Variants in PUM3 observed in about 807,000 individuals in gnomAD.
PUM3 encodes the protein pumilio RNA binding family member 3, also known as pumilio homolog 3.
A neutral mutation model predicts 84.0 loss-of-function variants in PUM3; 91 were observed. The observed-to-expected ratio is 1.08, with a 90% CI of 0.91 to 1.29. The LOEUF (loss-of-function observed/expected upper bound fraction) is 1.29. Ranked by LOEUF, PUM3 falls within the 50% of genes most tolerant of loss-of-function variation. PUM3 has a pLI of 0.00. For synonymous variants in PUM3, 321 were observed against 266.7 expected (o/e 1.20, Z -1.98); for missense variants, 1,067 against 767.5 (o/e 1.39, Z -4.61).
At position 2,809,810 on chromosome 9, in the gene PUM3, C is replaced by CA. The variant is rs1181216883; in HGVS notation, c.1723+533dup. ...TTCTACAGAGCAGCTGTAAGGCTTA[C>CA]AAAAAACCAGAAAGCGCCAAAGACT... On this transcript the variant is annotated intron_variant, in intron 16 of 17. Transcript: ENST00000397885. 5.9e-5 allele frequency among the ~76,000 whole-genome samples: 9 copies of CA among 152,246 alleles called. No homozygotes were observed. The East Asian group carries it at 1.4e-3, about 23-fold the overall frequency.
intron 12 of PUM3, among the ~76,000 whole-genome samples, chr9:2,820,755 A>G (rs990456767): frequency 1.3e-5 from 2 of 152,256 alleles, no homozygotes; most frequent in Admixed American, 1.3e-4. Context: ...AAAAATCATT[A>G]CTTTAAAAAA....
chr9:2,807,777 C>T (rs762857050), intron 17 of PUM3, 37 bp downstream of exon 17: 9 of 1,329,000 alleles, frequency 6.8e-6, no homozygotes, highest in Non-Finnish European at 9.8e-6. Flanking sequence ...TTTGCATGAC[C>T]AGGCCCTGCT....
intron 1 of PUM3, among the ~76,000 whole-genome samples, chr9:2,841,053 T>G (rs1252636109): frequency 2.1e-4 from 32 of 152,236 alleles, no homozygotes. Flanking sequence ...TTTCCAAATC[T>G]AATCAAGCAC....
chr9:2,833,891 C>T (rs1816050888), intron 4 of PUM3, 140 bp downstream of exon 4: 1 of 745,132 alleles, frequency 1.3e-6, no homozygotes, highest in African/African-American at 1.8e-5. Context: ...GTACTGATGT[C>T]TCTAATGGGG....
intron 13 of PUM3, among the ~76,000 whole-genome samples, chr9:2,818,583 C>T (rs1586720809): frequency 1.3e-5 from 2 of 152,208 alleles, no homozygotes; most frequent in Non-Finnish European, 2.9e-5. Context: ...TATTCATCAG[C>T]CAATTCTATG....
chr9:2,839,670 T>C (rs1816217202), intron 1 of PUM3, among the ~76,000 whole-genome samples: 1 of 152,144 alleles, frequency 6.6e-6, no homozygotes, highest in Non-Finnish European at 1.5e-5. Context: ...TTTTGAAAAA[T>C]GGACAGTCCC....
intron 6 of PUM3, 68 bp downstream of exon 6, chr9:2,831,183 G>T (rs891368838): frequency 3.4e-6 from 4 of 1,190,174 alleles, no homozygotes; most frequent in Non-Finnish European, 4.9e-6. Context: ...GGACAGTCTT[G>T]GGTATTTTAA....
At chr9:2,843,790 G>A (rs1166819251) in intron 1 of PUM3, among the ~76,000 whole-genome samples, 4 of 151,896 alleles carry the variant, frequency 2.6e-5, no homozygotes, top group Admixed American at 2.0e-4. Context: ...GTGTTAGCCA[G>A]GATGGTCTCG....
intron 5 of PUM3, among the ~76,000 whole-genome samples, chr9:2,832,262 T>G (rs1416259251): frequency 6.6e-6 from 1 of 152,218 alleles, no homozygotes; most frequent in Non-Finnish European, 1.5e-5. Flanking sequence ...ATAGTGTTCT[T>G]ATTTATAACT....
intron 14 of PUM3, 52 bp from the exon 15 acceptor site, chr9:2,811,635 TGTG>T: frequency 7.4e-7 from 1 of 1,357,874 alleles, no homozygotes; most frequent in African/African-American, 1.4e-5. Flanking sequence ...GCAAAGGAAA[TGTG>T]GTGATATTAT....
intron 3 of PUM3, 21 bp from the exon 4 acceptor site, chr9:2,834,187 T>G (rs746518823): frequency 3.8e-6 from 6 of 1,599,884 alleles, no homozygotes; most frequent in Non-Finnish European, 5.1e-6. Context: ...TAGAAATTAT[T>G]TTCAATTACA....
At chr9:2,823,711 T>G (rs1815729377) in intron 12 of PUM3, 70 bp downstream of exon 12, 8 of 665,632 alleles carry the variant, frequency 1.2e-5, no homozygotes, top group Non-Finnish European at 1.4e-5. Context: ...TTTTTCCAAA[T>G]TTTCTATAAT....
rs1217361393 is a variant in PUM3, at chr9:2,824,618, C to G, written c.1134+99G>C. On this transcript the variant is annotated intron_variant, in intron 11 of 17. Transcript: ENST00000397885. Reference sequence around the variant, plus strand: ...AGATAATGCACAACAGGGCAAAGACCAAAGGGGGTTAAAAGTCTAAGGACA... The same window carrying G: ...AGATAATGCACAACAGGGCAAAGACGAAAGGGGGTTAAAAGTCTAAGGACA... The G allele has an allele frequency of 4.3e-6, 3 of 703,932 alleles. No individual in the cohort carries two copies. The Admixed American group carries it at 1.2e-4, about 28-fold the overall frequency. 43.6% of individuals were successfully genotyped at this position (703,932 alleles called of 1,614,324 possible). A position where few individuals can be genotyped will look rare whatever the true frequency, so the allele number is the denominator to read the frequency against.
rs2270888 is a variant in PUM3, at chr9:2,811,505, G to T, written c.1491C>A (p.His497Gln). Residue 497 changes from histidine to glutamine, a missense_variant, in exon 15 of 18, where the codon CAC becomes CAA. Transcript: ENST00000397885. ...ACTTATCTAGCACCACTTCTTGGGCGTGTTCTTGCAGGTAGCTTAACAAAG... is the reference window on the plus strand; with the variant it reads ...ACTTATCTAGCACCACTTCTTGGGCTTGTTCTTGCAGGTAGCTTAACAAAG... ...SPALLSYLQE[H>Q]AQEVVLDKSA... 6.2e-7 allele frequency: 1 copy of T among 1,613,880 alleles called. No individual in the cohort carries two copies. The highest frequency in any genetic ancestry group is 8.5e-7 in the Non-Finnish European group (1 of 1,179,930).
intron 9 of PUM3, 49 bp downstream of exon 9, chr9:2,828,626 C>T: frequency 9.0e-7 from 1 of 1,110,954 alleles, no homozygotes; most frequent in Non-Finnish European, 1.4e-6. Flanking sequence ...GAAAACCTTC[C>T]TCCTTTGAAT....
At chr9:2,819,316 T>C (rs936558932) in intron 13 of PUM3, among the ~76,000 whole-genome samples, 4 of 152,236 alleles carry the variant, frequency 2.6e-5, no homozygotes, top group Admixed American at 6.5e-5. Context: ...GTACTTCCCC[T>C]AAGAGGACAA....
chr9:2,829,167 A>C (rs373426868), intron 8 of PUM3, among the ~76,000 whole-genome samples: 1 of 152,244 alleles, frequency 6.6e-6, no homozygotes, highest in Non-Finnish European at 1.5e-5. Flanking sequence ...TCAACCCAAG[A>C]ATTGAACCTG....
intron 17 of PUM3, among the ~76,000 whole-genome samples, chr9:2,807,315 G>A (rs943722356): frequency 3.3e-5 from 5 of 152,012 alleles, no homozygotes; most frequent in African/African-American, 1.2e-4. Flanking sequence ...AAATCCTAAG[G>A]GCCAAGCACA....
chr9:2,838,128 C>T (rs1256774112), intron 2 of PUM3, among the ~76,000 whole-genome samples: 1 of 152,072 alleles, frequency 6.6e-6, no homozygotes, highest in Non-Finnish European at 1.5e-5. Flanking sequence ...ATTAAACAGT[C>T]CTAATTTATC....
Sources: allele counts gnomAD v4.1 joint callset (sites outside exome capture counted in the v4.1 genomes callset), GRCh38; gene constraint gnomAD v4.1.1; transcripts MANE v1.5; gene names NCBI Gene and HGNC (gene_info 2026-07-23, HGNC 2026-07-21).